CPQ: variants seen among roughly 807,000 people sequenced by gnomAD.
CPQ encodes the protein Ser-Met dipeptidase.
CPQ carries 37 observed loss-of-function variants against 45.7 expected under a neutral mutation model. That is an observed-to-expected ratio of 0.81 (90% confidence interval 0.62 to 1.07). The LOEUF is 1.07. Among genes scored for constraint, CPQ ranks in the 50% least tolerant of loss-of-function variants. CPQ has a pLI of 0.00. For missense variants in CPQ, 537 were observed against 572.9 expected (o/e 0.94, Z 0.64); for synonymous variants, 186 against 205.8 (o/e 0.90, Z 0.82).
At chr8:96,645,727 C>A (rs140900092) in intron 1 of CPQ, among the ~76,000 whole-genome samples, 2 of 151,728 alleles carry the variant, frequency 1.3e-5, no homozygotes, top group African/African-American at 4.9e-5. Flanking sequence ...TTTCACTTCC[C>A]CTCAGCTCCA....
At chr8:96,687,867 A>C (rs112906186) in intron 1 of CPQ, among the ~76,000 whole-genome samples, 59 of 152,186 alleles carry the variant, frequency 3.9e-4, no homozygotes, top group Admixed American at 1.8e-3. Flanking sequence ...GAAAACTGTC[A>C]AAGTTTTTTT....
At chr8:96,970,125 CTGT>C (rs1813639840) in intron 5 of CPQ, among the ~76,000 whole-genome samples, 1 of 152,194 alleles carries the variant, frequency 6.6e-6, no homozygotes, top group African/African-American at 2.4e-5. Context: ...CTGGTCAAGA[CTGT>C]CTTGGAAAAG....
intron 1 of CPQ, among the ~76,000 whole-genome samples, chr8:96,750,669 G>A (rs1810246493): frequency 6.7e-6 from 1 of 148,186 alleles, no homozygotes; most frequent in Admixed American, 6.8e-5. Flanking sequence ...AGTGCAGGAT[G>A]TACAGATTTG....
In CPQ at chr8:96,775,510, C is replaced by T. The variant is rs116108101; in HGVS notation, c.-34-9354C>T. Among the ~76,000 whole-genome samples, 1,428 of 152,186 alleles carry T rather than the reference C, an allele frequency of 9.4e-3. 20 individuals are homozygous for T. The highest frequency in any genetic ancestry group is 0.031 in the African/African-American group (1,306 of 41,520). The stretch of plus-strand genomic sequence containing the variant: ...ATGGTGTTTCCAGTACCACAGGCAG[C>T]ATATTCATTTGTGTTTTACTTAAAA... On this transcript the variant is annotated intron_variant, in intron 1 of 7. Transcript: ENST00000220763.
Position 96,785,143 on chromosome 8 carries a change from G to C in CPQ, c.246G>C (p.Lys82Asn), listed in dbSNP as rs1034414828. ...DTVGPRLSGS[K>N]NLEKAIQIMY... is the part of the protein sequence containing the mutation. ...TTGGACCCAGACTGAGTGGCTCCAA[G>C]AACCTAGAAAAAGCCATCCAAATTA... Residue 82 changes from lysine to asparagine, a missense_variant, in exon 2 of 8, where the codon AAG becomes AAC. By Grantham distance (94) the Lys-to-Asn change is moderately conservative. Coordinates refer to ENST00000220763, the MANE Select transcript of CPQ (RefSeq NM_016134.4). 3 of 1,613,482 alleles carry C rather than the reference G, an allele frequency of 1.9e-6. No individual in the cohort carries two copies. The highest frequency in any genetic ancestry group is 1.3e-5 in the African/African-American group (1 of 74,866).
At chr8:97,010,783 AT>A (rs1316098279) in intron 5 of CPQ, among the ~76,000 whole-genome samples, 1 of 152,218 alleles carries the variant, frequency 6.6e-6, no homozygotes, top group Admixed American at 6.5e-5. Flanking sequence ...GTTTAAAAAA[AT>A]CATTTCTTCT....
intron 4 of CPQ, among the ~76,000 whole-genome samples, chr8:96,964,080 T>A (rs1813510415): frequency 6.8e-6 from 1 of 146,216 alleles, no homozygotes; most frequent in Admixed American, 6.9e-5. Context: ...AGACATTTCA[T>A]GAGTTTTCTT....
chr8:97,035,793 C>T lies in CPQ; in HGVS notation c.1053+6299C>T, dbSNP rs151276845. The stretch of plus-strand genomic sequence containing the variant: ...CGCGATCTCGGCTCACTGCAACCTC[C>T]GCCTCCAGGGTTCACGCCATTCTCC... On this transcript the variant is annotated intron_variant, in intron 6 of 7. Coordinates refer to ENST00000220763, the MANE Select transcript of CPQ (RefSeq NM_016134.4). 7.4e-3 allele frequency among the ~76,000 whole-genome samples: 1,131 copies of T among 152,186 alleles called. 11 individuals are homozygous for T. The highest frequency in any genetic ancestry group is 0.025 in the African/African-American group (1,053 of 41,526).
intron 5 of CPQ, among the ~76,000 whole-genome samples, chr8:96,975,339 TAAA>T (rs963844758): frequency 1.3e-5 from 2 of 149,868 alleles, no homozygotes; most frequent in African/African-American, 5.0e-5. Flanking sequence ...AAATGGTAAT[TAAA>T]AAAAATTCCA....
intron 7 of CPQ, among the ~76,000 whole-genome samples, chr8:97,103,744 G>A (rs1811355271): frequency 6.6e-6 from 1 of 152,184 alleles, no homozygotes; most frequent in South Asian, 2.1e-4. Flanking sequence ...CTAATAAACA[G>A]TATATTATCA....
chr8:96,997,118 C>A (rs1416072925), intron 5 of CPQ, among the ~76,000 whole-genome samples: 1 of 151,942 alleles, frequency 6.6e-6, no homozygotes, highest in Non-Finnish European at 1.5e-5. Flanking sequence ...GGAAAAATTT[C>A]TCCCAGAGAT....
Position 96,819,268 on chromosome 8 carries a change from C to G in CPQ, c.434-15705C>G, listed in dbSNP as rs535439583. Among the ~76,000 whole-genome samples the G allele has an allele frequency of 6.0e-4, 91 of 152,138 alleles. 1 individual carries two copies. Among genetic ancestry groups the G allele is most frequent in the Non-Finnish European group, 8.2e-4 (56 of 67,972 alleles). ...TTAAAAATAAAAATGAAAAATATAA[C>G]CTTTATTTCTCAACATAAGCTCCAT... On this transcript the variant is annotated intron_variant, in intron 2 of 7. Coordinates refer to ENST00000220763, the MANE Select transcript of CPQ (RefSeq NM_016134.4).
At chr8:96,666,276 A>G (rs1366394721) in intron 1 of CPQ, among the ~76,000 whole-genome samples, 3 of 152,190 alleles carry the variant, frequency 2.0e-5, no homozygotes, top group Non-Finnish European at 2.9e-5. Context: ...TAGTTTCTGT[A>G]TGAAAGGCAT....
intron 4 of CPQ, among the ~76,000 whole-genome samples, chr8:96,943,487 C>G (rs1813149691): frequency 6.6e-6 from 1 of 152,126 alleles, no homozygotes; most frequent in Non-Finnish European, 1.5e-5. Flanking sequence ...TGCTAATACT[C>G]ATAATAAGCA....
chr8:96,991,899 G>A (rs1267227202), intron 5 of CPQ, among the ~76,000 whole-genome samples: 1 of 152,012 alleles, frequency 6.6e-6, no homozygotes, highest in East Asian at 1.9e-4. Context: ...AAGGAACTGA[G>A]TCAAAAGACC....
intron 7 of CPQ, among the ~76,000 whole-genome samples, chr8:97,077,448 T>A (rs1017486996): frequency 6.6e-5 from 10 of 152,244 alleles, no homozygotes; most frequent in African/African-American, 2.4e-4. Context: ...ACTACAGTAG[T>A]ACAGTATGTA....
chr8:97,084,337 C>G (rs952284633), intron 7 of CPQ, among the ~76,000 whole-genome samples: 1 of 151,972 alleles, frequency 6.6e-6, no homozygotes. Context: ...GTTTATGTAT[C>G]CCGTGGCAAT....
At chr8:96,992,087 C>G (rs1563548243) in intron 5 of CPQ, among the ~76,000 whole-genome samples, 1 of 152,204 alleles carries the variant, frequency 6.6e-6, no homozygotes, top group African/African-American at 2.4e-5. Flanking sequence ...TCATCAACAG[C>G]AAGGTGACCT....
chr8:96,858,943 C>T (rs1353956100), intron 3 of CPQ, among the ~76,000 whole-genome samples: 2 of 152,230 alleles, frequency 1.3e-5, no homozygotes, highest in African/African-American at 2.4e-5. Context: ...TTTCTAACAA[C>T]TCAGCTGCCA....
Sources: allele counts gnomAD v4.1 joint callset (sites outside exome capture counted in the v4.1 genomes callset), GRCh38; gene constraint gnomAD v4.1.1; transcripts MANE v1.5; gene names NCBI Gene and HGNC (gene_info 2026-07-23, HGNC 2026-07-21).